Variants in BRAF observed in about 807,000 individuals in gnomAD.
BRAF encodes the protein serine/threonine-protein kinase B-raf.
In BRAF, 16 loss-of-function variants were observed where a neutral mutation model predicts 104.6. That is an observed-to-expected ratio of 0.15 (90% CI 0.10 to 0.23). The LOEUF (loss-of-function observed/expected upper bound fraction) is 0.23, where lower values mean the gene tolerates loss of function less well. Ranked by LOEUF, BRAF falls within the 10% of genes least tolerant of loss-of-function variation. BRAF has a pLI of 1.00. For synonymous variants in BRAF, 310 were observed against 341.6 expected (o/e 0.91, Z 1.02); for missense variants, 541 against 937.3 (o/e 0.58, Z 5.52).
chr7:140,887,149 G>C (rs1284373579), intron 1 of BRAF, among the ~76,000 whole-genome samples: 1 of 152,166 alleles, frequency 6.6e-6, no homozygotes, highest in Non-Finnish European at 1.5e-5. Context: ...TCAGCTACAA[G>C]TTTAAACAAC....
At chr7:140,812,019 C>T (rs1003685371) in intron 3 of BRAF, among the ~76,000 whole-genome samples, 1 of 152,184 alleles carries the variant, frequency 6.6e-6, no homozygotes, top group African/African-American at 2.4e-5. Context: ...TAGTTTTAAA[C>T]CACATCCAAT....
At chr7:140,745,607 G>A (rs1184980098) in intron 17 of BRAF, among the ~76,000 whole-genome samples, 1 of 152,086 alleles carries the variant, frequency 6.6e-6, no homozygotes, top group Non-Finnish European at 1.5e-5. Flanking sequence ...CAGTACTCCT[G>A]GTGTCTCGAC....
chr7:140,801,566 A>G lies in BRAF; in HGVS notation c.712-6T>C. The G allele has an allele frequency of 6.2e-7, 1 of 1,610,476 alleles. No homozygotes were observed. Among genetic ancestry groups the G allele is most frequent in the Non-Finnish European group, 8.5e-7 (1 of 1,177,992 alleles). On this transcript the variant is annotated splice_polypyrimidine_tract_variant and splice_region_variant and intron_variant, in intron 5 of 19. Transcript: ENST00000644969. ...GTGAAAAACGTTTTTCGTACCTGCAAAGTAAAAAATCACAGAGATTTCAAA... is the reference window on the plus strand; with the variant it reads ...GTGAAAAACGTTTTTCGTACCTGCAGAGTAAAAAATCACAGAGATTTCAAA...
chr7:140,825,848 T>G (rs1304217870), intron 3 of BRAF, among the ~76,000 whole-genome samples: 1 of 152,194 alleles, frequency 6.6e-6, no homozygotes, highest in Non-Finnish European at 1.5e-5. Context: ...TAAAACAATA[T>G]TCTTTGGTTT....
At chr7:140,718,492 T>C (rs531193648), downstream of BRAF, among the ~76,000 whole-genome samples, 2 of 152,264 alleles carry the variant, frequency 1.3e-5, no homozygotes, top group African/African-American at 4.8e-5. Flanking sequence ...TCAGGTGATC[T>C]GCCTGCCTTG....
At chr7:140,814,284 G>A (rs1021955417) in intron 3 of BRAF, among the ~76,000 whole-genome samples, 2 of 152,120 alleles carry the variant, frequency 1.3e-5, no homozygotes, top group Admixed American at 6.5e-5. Flanking sequence ...ACTTTCACAC[G>A]TCAATTTTTA....
chr7:140,914,912 C>T (rs1474118746), intron 1 of BRAF, among the ~76,000 whole-genome samples: 2 of 129,970 alleles, frequency 1.5e-5, no homozygotes, highest in South Asian at 5.0e-4. Context: ...TGGTGGCATG[C>T]GCCTGTAGTG....
chr7:140,847,915 T>C (rs1374593796), intron 2 of BRAF, among the ~76,000 whole-genome samples: 4 of 152,176 alleles, frequency 2.6e-5, no homozygotes, highest in African/African-American at 7.2e-5. Flanking sequence ...ATGCATACCT[T>C]TGCATACTAC....
At chr7:140,854,979 T>C (rs1586419084) in intron 1 of BRAF, among the ~76,000 whole-genome samples, 1 of 151,976 alleles carries the variant, frequency 6.6e-6, no homozygotes, top group Admixed American at 6.6e-5. Flanking sequence ...TAATATTGGC[T>C]AGGTATAGTG....
chr7:140,716,159 C>G (rs1021267219), downstream of BRAF, among the ~76,000 whole-genome samples: 2 of 152,138 alleles, frequency 1.3e-5, no homozygotes, highest in African/African-American at 4.8e-5. Context: ...CAGTTGAGAC[C>G]TCCTAAACTG....
At chr7:140,820,223 T>C (rs1244996665) in intron 3 of BRAF, among the ~76,000 whole-genome samples, 1 of 152,216 alleles carries the variant, frequency 6.6e-6, no homozygotes, top group African/African-American at 2.4e-5. Flanking sequence ...CATTCCATGT[T>C]GGCCAGGATC....
At position 140,800,379 on chromosome 7, in the gene BRAF, G is replaced by C; in HGVS notation, c.963C>G (p.Pro321=). 1 of 1,614,140 alleles carries C rather than the reference G, an allele frequency of 6.2e-7. No homozygotes were observed. Among genetic ancestry groups the C allele is most frequent in the Non-Finnish European group, 8.5e-7 (1 of 1,180,020 alleles). ...ALTSGSSPSA[P]ASDSIGPQIL... is the part of the protein sequence containing the mutation. ...AACCATACCCAATAGAGTCCGAGGC[G>C]GGTGCGGAAGGGGATGATCCAGATG... Residue 321 remains proline, a synonymous_variant, in exon 7 of 20, where the codon CCC becomes CCG. Coordinates refer to ENST00000644969, the MANE Select transcript of BRAF (RefSeq NM_001374258.1).
intron 1 of BRAF, among the ~76,000 whole-genome samples, chr7:140,890,508 T>C (rs574417368): frequency 2.6e-4 from 40 of 152,244 alleles, no homozygotes; most frequent in African/African-American, 9.4e-4. Flanking sequence ...TTTTCTAAGC[T>C]AAAACTCCCT....
At chr7:140,747,243 G>A (rs1797428211) in intron 17 of BRAF, 1 of 313,722 alleles carries the variant, frequency 3.2e-6, no homozygotes, top group Admixed American at 5.6e-5. Context: ...GGGGGTAGTT[G>A]TAAGAGGACA....
At chr7:140,870,066 T>C (rs548345673) in intron 1 of BRAF, among the ~76,000 whole-genome samples, 17 of 152,158 alleles carry the variant, frequency 1.1e-4, no homozygotes, top group Non-Finnish European at 1.0e-4. Flanking sequence ...CATCTGAACA[T>C]GGAAGGCAGT....
chr7:140,758,558 G>T (rs1798392980), intron 14 of BRAF, among the ~76,000 whole-genome samples: 1 of 152,026 alleles, frequency 6.6e-6, no homozygotes, highest in South Asian at 2.1e-4. Flanking sequence ...GGGCTCAAGA[G>T]ATCCACCCAA....
intron 8 of BRAF, among the ~76,000 whole-genome samples, chr7:140,792,147 T>C (rs957262010): frequency 6.6e-6 from 1 of 151,962 alleles, no homozygotes; most frequent in South Asian, 2.1e-4. Context: ...ATTCATAGTC[T>C]CCCTCCCCAA....
intron 3 of BRAF, among the ~76,000 whole-genome samples, chr7:140,833,305 T>G (rs1031593698): frequency 6.6e-6 from 1 of 152,138 alleles, no homozygotes; most frequent in African/African-American, 2.4e-5. Context: ...GAAGGAACAA[T>G]ACCGTGATGA....
intron 1 of BRAF, among the ~76,000 whole-genome samples, chr7:140,877,464 C>G (rs1563011491): frequency 6.6e-6 from 1 of 151,852 alleles, no homozygotes; most frequent in Non-Finnish European, 1.5e-5. Flanking sequence ...GCAAATCTAT[C>G]TTAAGAAACT....
Sources: gnomAD v4.1 joint callset for allele counts (sites outside exome capture counted in the v4.1 genomes callset) on GRCh38, gnomAD v4.1.1 for gene constraint, MANE v1.5 for transcripts, NCBI Gene and HGNC (gene_info 2026-07-23, HGNC 2026-07-21) for gene names.